TTYH1: variants seen among roughly 807,000 people sequenced by gnomAD.
The protein encoded by TTYH1 is tweety family member 1, also known as protein tweety homolog 1.
In TTYH1, 33 loss-of-function variants were observed where a neutral mutation model predicts 61.2. That is an observed-to-expected ratio of 0.54 (90% CI 0.41 to 0.72). The LOEUF is 0.72. Among genes scored for constraint, TTYH1 ranks in the 30% least tolerant of loss-of-function variants. The pLI, the probability that TTYH1 is intolerant of heterozygous loss-of-function variation, is 0.00. For synonymous variants in TTYH1, 308 were observed against 266.4 expected, an observed-to-expected ratio of 1.16 and a Z score of -1.52; for missense variants, 538 against 575.8, an observed-to-expected ratio of 0.93 and a Z score of 0.67.
At chr19:54,428,400 T>C (rs964033732) in intron 5 of TTYH1, among the ~76,000 whole-genome samples, 2 of 151,942 alleles carry the variant, frequency 1.3e-5, no homozygotes, top group Non-Finnish European at 2.9e-5. Context: ...AAGTTTTGTA[T>C]ATTTTTGTAG....
chr19:54,422,201 G>C lies in TTYH1; in HGVS notation c.429G>C (p.Thr143=), dbSNP rs973515647. 2 of 1,562,358 alleles carry C rather than the reference G, an allele frequency of 1.3e-6. No homozygotes were observed. Among genetic ancestry groups the C allele is most frequent in the Non-Finnish European group, 8.7e-7 (1 of 1,153,842 alleles). ...TGTCCTATCCCCAGGTGTTGGAGAC[G>C]GTGGAGAGGCTGGGCGAGGCGGTGA... is the stretch of plus-strand genomic sequence containing the variant. ...LSTIDHLVLE[T]VERLGEAVRT... is the part of the protein sequence containing the mutation. Residue 143 remains threonine (T), a synonymous_variant, in exon 4 of 14, where the codon ACG becomes ACC. Transcript: ENST00000376530.
intron 5 of TTYH1, among the ~76,000 whole-genome samples, chr19:54,427,885 G>A (rs1051132389): frequency 2.0e-5 from 3 of 152,062 alleles, no homozygotes; most frequent in Admixed American, 2.0e-4. Flanking sequence ...CCCCCTGTGA[G>A]GAAGGTGCTT....
Position 54,420,959 on chromosome 19 carries a change from TC to T in TTYH1, c.306-315del. ...GTCCTAGGGAGGGGAAGACGGCCCA[TC>T]CCGGAGCTGGGTGTGACTGGGGTTC... On this transcript the variant is annotated intron_variant, in intron 2 of 13. Transcript: ENST00000376530. This position sits in a 1 kb window ranked among gnomAD's most constrained non-coding sequence, Gnocchi z 4.8. The T allele has an allele frequency of 2.3e-6, 1 of 436,416 alleles. No homozygotes were observed. Among genetic ancestry groups the T allele is most frequent in the Non-Finnish European group, 4.4e-6 (1 of 225,532 alleles). The allele number at this position is 436,416 out of a possible 1,614,324, so 27.0% of individuals were successfully genotyped here. A position where few individuals can be genotyped will look rare whatever the true frequency, so the allele number is the denominator to read the frequency against.
chr19:54,416,459 C>A lies in TTYH1; in HGVS notation c.126+781C>A. The A allele has an allele frequency of 3.5e-6, 1 of 284,332 alleles. No individual in the cohort carries two copies. Among genetic ancestry groups the A allele is most frequent in the Non-Finnish European group, 6.9e-6 (1 of 144,398 alleles). 17.6% of individuals were successfully genotyped at this position (284,332 alleles called of 1,614,324 possible). ...CCCCTGACCCAGTTTAATTCAAGTC[C>A]TTGACTTCGAGATTAATGAGGAGAA... On this transcript the variant is annotated intron_variant, in intron 1 of 13. Transcript: ENST00000376530. This position sits in a 1 kb window ranked among gnomAD's most constrained non-coding sequence, Gnocchi z 7.0.
rs778752587 is a variant in TTYH1 at position 54,416,672 on chromosome 19, G to C, written c.126+994G>C. The C allele has an allele frequency of 1.9e-4, 208 of 1,101,296 alleles. No individual in the cohort carries two copies. Among genetic ancestry groups the C allele is most frequent in the Non-Finnish European group, 2.4e-4 (198 of 832,190 alleles). The allele number at this position is 1,101,296 out of a possible 1,614,324, so 68.2% of individuals were successfully genotyped here. The stretch of plus-strand genomic sequence containing the variant: ...TCCCAGAAAAGCGCGGAGGGGATGA[G>C]TGCTGTGTTCTGAGCTATTTGGGTC... On this transcript the variant is annotated intron_variant, in intron 1 of 13. Coordinates refer to ENST00000376530, the MANE Select transcript of TTYH1 (RefSeq NM_020659.4). This position sits in a 1 kb window ranked among gnomAD's most constrained non-coding sequence, Gnocchi z 7.0.
rs1035152155 is a variant in TTYH1 at position 54,435,537 on chromosome 19, C to T, written c.1126-5C>T. 1.1e-5 allele frequency: 18 copies of T among 1,593,602 alleles called. 1 individual carries two copies. The highest frequency in any genetic ancestry group is 1.5e-5 in the Non-Finnish European group (18 of 1,172,916). On this transcript the variant is annotated splice_region_variant and splice_polypyrimidine_tract_variant and intron_variant, in intron 10 of 13. Coordinates refer to ENST00000376530, the MANE Select transcript of TTYH1 (RefSeq NM_020659.4). Reference sequence around the variant, plus strand: ...ACGCATGGCCTGATGACGCCCTCCCCTCAGGACTATGGTGCAGCCCTGCGG... The same window carrying T: ...ACGCATGGCCTGATGACGCCCTCCCTTCAGGACTATGGTGCAGCCCTGCGG...
Position 54,421,539 on chromosome 19 carries a change from C to T in TTYH1, c.417+151C>T. On this transcript the variant is annotated intron_variant, in intron 3 of 13. Coordinates refer to ENST00000376530, the MANE Select transcript of TTYH1 (RefSeq NM_020659.4). This position sits in a 1 kb window ranked among gnomAD's most constrained non-coding sequence, Gnocchi z 4.8. Reference sequence around the variant, plus strand: ...ACTTCATCCTGAGACCCACAGACCTCAGACTATCCACCCAACCCCCGACCC... The same window carrying T: ...ACTTCATCCTGAGACCCACAGACCTTAGACTATCCACCCAACCCCCGACCC... The T allele has an allele frequency of 1.5e-6, 1 of 654,834 alleles. No individual in the cohort carries two copies. Among genetic ancestry groups the T allele is most frequent in the Non-Finnish European group, 2.8e-6 (1 of 361,400 alleles). 40.6% of individuals were successfully genotyped at this position (654,834 alleles called of 1,614,324 possible).
intron 5 of TTYH1, among the ~76,000 whole-genome samples, chr19:54,428,429 T>C (rs555043817): frequency 6.6e-6 from 1 of 152,164 alleles, no homozygotes. Context: ...TCTTGCTATG[T>C]TGCCCAGGCT....
Position 54,436,398 on chromosome 19 carries a change from T to A in TTYH1, c.*108T>A, listed in dbSNP as rs373712429. The A allele has an allele frequency of 1.9e-6, 3 of 1,613,318 alleles. No homozygotes were observed. In the South Asian group the frequency reaches 3.3e-5, roughly 18 times the overall value. On this transcript the variant is annotated 3_prime_UTR_variant, in exon 14 of 14. Transcript: ENST00000376530. The surrounding 1 kb of genome is among the most constrained non-coding windows in gnomAD (Gnocchi z 4.3). ...CTGCCTGGGCTCTGACCACTAACAC[T>A]CTTGGCCATGGACAGCCTGCACAGG...
At position 54,436,246 on chromosome 19, in the gene TTYH1, C is replaced by T; in HGVS notation, c.*42+75C>T. ...CTCCCGCCCTCCGAGCTGCTCCAGG[C>T]ATGGGCTGCGTGCCTCCTGCTGGGT... On this transcript the variant is annotated intron_variant, in intron 13 of 13. Transcript: ENST00000376530. This position sits in a 1 kb window ranked among gnomAD's most constrained non-coding sequence, Gnocchi z 4.3. The T allele has an allele frequency of 5.6e-6, 9 of 1,607,768 alleles. No homozygotes were observed. Among genetic ancestry groups the T allele is most frequent in the Non-Finnish European group, 7.7e-6 (9 of 1,174,886 alleles).
At position 54,416,655 on chromosome 19, in the gene TTYH1, A is replaced by T. The variant is rs1045059865; in HGVS notation, c.126+977A>T. 4 of 971,484 alleles carry T rather than the reference A, an allele frequency of 4.1e-6. No homozygotes were observed. The highest frequency in any genetic ancestry group is 5.5e-6 in the Non-Finnish European group (4 of 728,708). The allele number at this position is 971,484 out of a possible 1,614,324, so 60.2% of individuals were successfully genotyped here. A position where few individuals can be genotyped will look rare whatever the true frequency, so the allele number is the denominator to read the frequency against. On this transcript the variant is annotated intron_variant, in intron 1 of 13. Coordinates refer to ENST00000376530, the MANE Select transcript of TTYH1 (RefSeq NM_020659.4). This position sits in a 1 kb window ranked among gnomAD's most constrained non-coding sequence, Gnocchi z 7.0. ...AGGGGGCGTGGAGGGGGTCCCAGAA[A>T]AGCGCGGAGGGGATGAGTGCTGTGT...
chr19:54,423,507 G>T (rs779703222), intron 4 of TTYH1, among the ~76,000 whole-genome samples: 3 of 152,138 alleles, frequency 2.0e-5, no homozygotes, highest in Non-Finnish European at 4.4e-5. Context: ...AAGAGGCAGC[G>T]TACCTACAGA....
rs1000427212 is a variant in TTYH1, at chr19:54,416,157, G to C, written c.126+479G>C. Reference sequence around the variant, plus strand: ...CGCTGGCTGCTGCGGTGCTGGGATGGGATTGAGAGTCTGAAATGGGGAAGG... The same window carrying C: ...CGCTGGCTGCTGCGGTGCTGGGATGCGATTGAGAGTCTGAAATGGGGAAGG... On this transcript the variant is annotated intron_variant, in intron 1 of 13. Coordinates refer to ENST00000376530, the MANE Select transcript of TTYH1 (RefSeq NM_020659.4). This position sits in a 1 kb window ranked among gnomAD's most constrained non-coding sequence, Gnocchi z 7.0. 9.6e-7 allele frequency: 1 copy of C among 1,038,922 alleles called. No individual in the cohort carries two copies. Among genetic ancestry groups the C allele is most frequent in the Admixed American group, 2.4e-5 (1 of 42,514 alleles). 64.4% of individuals were successfully genotyped at this position (1,038,922 alleles called of 1,614,324 possible).
At position 54,415,501 on chromosome 19, in the gene TTYH1, G is replaced by A. The variant is rs2083056591; in HGVS notation, c.-52G>A. The A allele has an allele frequency of 4.8e-6, 6 of 1,246,784 alleles. No homozygotes were observed. The highest frequency in any genetic ancestry group is 4.3e-5 in the East Asian group (1 of 23,344). The allele number at this position is 1,246,784 out of a possible 1,614,324, so 77.2% of individuals were successfully genotyped here. On this transcript the variant is annotated 5_prime_UTR_variant, in exon 1 of 14. Coordinates refer to ENST00000376530, the MANE Select transcript of TTYH1 (RefSeq NM_020659.4). This position sits in a 1 kb window ranked among gnomAD's most constrained non-coding sequence, Gnocchi z 5.2. The stretch of plus-strand genomic sequence containing the variant: ...CGCCGCCCGCGCCCCGCTCGACTCC[G>A]GAGGCTCCCGCAGCCCCGGCGTCCG...
chr19:54,416,186 C>T lies in TTYH1; in HGVS notation c.126+508C>T, dbSNP rs1199642805. The T allele has an allele frequency of 5.7e-6, 4 of 705,334 alleles. No individual in the cohort carries two copies. The highest frequency in any genetic ancestry group is 4.4e-6 in the Non-Finnish European group (2 of 452,594). 43.7% of individuals were successfully genotyped at this position (705,334 alleles called of 1,614,324 possible). A position where few individuals can be genotyped will look rare whatever the true frequency, so the allele number is the denominator to read the frequency against. On this transcript the variant is annotated intron_variant, in intron 1 of 13. Coordinates refer to ENST00000376530, the MANE Select transcript of TTYH1 (RefSeq NM_020659.4). This position sits in a 1 kb window ranked among gnomAD's most constrained non-coding sequence, Gnocchi z 7.0. ...TGAGAGTCTGAAATGGGGAAGGGGGCTTCAGGGGCTGAGGACCAGGGCTGG... is the reference window on the plus strand; with the variant it reads ...TGAGAGTCTGAAATGGGGAAGGGGGTTTCAGGGGCTGAGGACCAGGGCTGG...
chr19:54,430,877 A>C lies in TTYH1; in HGVS notation c.1004A>C (p.Glu335Ala), dbSNP rs1265733234. 6.2e-7 allele frequency: 1 copy of C among 1,613,542 alleles called. No individual in the cohort carries two copies. The highest frequency in any genetic ancestry group is 8.5e-7 in the Non-Finnish European group (1 of 1,179,990). The part of the protein sequence containing the change: ...IHSQLLGLER[E>A]AVPQFPSAQK... ...TCCCAGCTGCTGGGCCTGGAGCGAG[A>C]AGCTGTGCCTCAGTTCCCTTCAGCG... Residue 335 changes from glutamate to alanine, a missense_variant, in exon 9 of 14, where the codon GAA (glutamate) becomes GCA (alanine). By Grantham distance (107) the Glu-to-Ala change is moderately radical. Coordinates refer to ENST00000376530, the MANE Select transcript of TTYH1 (RefSeq NM_020659.4).
chr19:54,419,018 C>T lies in TTYH1; in HGVS notation c.127-110C>T. The T allele has an allele frequency of 9.1e-7, 1 of 1,103,042 alleles. No individual in the cohort carries two copies. Among genetic ancestry groups the T allele is most frequent in the Admixed American group, 2.3e-5 (1 of 43,144 alleles). 68.3% of individuals were successfully genotyped at this position (1,103,042 alleles called of 1,614,324 possible). A position where few individuals can be genotyped will look rare whatever the true frequency, so the allele number is the denominator to read the frequency against. Reference sequence around the variant, plus strand: ...CCAAGATTAGGCCAGGGATGTCTCCCACCTTCACTCTGACATCCCAGACCC... The same window carrying T: ...CCAAGATTAGGCCAGGGATGTCTCCTACCTTCACTCTGACATCCCAGACCC... On this transcript the variant is annotated intron_variant, in intron 1 of 13. Coordinates refer to ENST00000376530, the MANE Select transcript of TTYH1 (RefSeq NM_020659.4). The surrounding 1 kb of genome is among the most constrained non-coding windows in gnomAD (Gnocchi z 6.1).
chr19:54,426,778 G>A lies in TTYH1; in HGVS notation c.734+10G>A. On this transcript the variant is annotated intron_variant, in intron 5 of 13. Coordinates refer to ENST00000376530, the MANE Select transcript of TTYH1 (RefSeq NM_020659.4). ...AGTGGCTGGTGATCGTGTAAGTGCA[G>A]GCAGTAGGGGGACCCAGTGCTTGCC... 1 of 1,611,534 alleles carries A rather than the reference G, an allele frequency of 6.2e-7. No individual in the cohort carries two copies. The highest frequency in any genetic ancestry group is 1.1e-5 in the South Asian group (1 of 91,060).
Position 54,419,346 on chromosome 19 carries a change from C to T in TTYH1, c.305+40C>T, listed in dbSNP as rs767174570. The T allele has an allele frequency of 1.6e-5, 25 of 1,561,546 alleles. No homozygotes were observed. In the South Asian group the frequency reaches 1.9e-4, roughly 12 times the overall value. On this transcript the variant is annotated intron_variant, in intron 2 of 13. Transcript: ENST00000376530. The surrounding 1 kb of genome is among the most constrained non-coding windows in gnomAD (Gnocchi z 6.1). ...GGGTGGGTGGGCGGTGGGGACAGGG[C>T]TCCCCAAGCTCTTTGCTGGCCTTCC... is the stretch of plus-strand genomic sequence containing the variant.
Sources: gnomAD v4.1 joint callset for allele counts (sites outside exome capture counted in the v4.1 genomes callset) on GRCh38, gnomAD v4.1.1 for gene constraint, Gnocchi (gnomAD v3.1) non-coding constraint, MANE v1.5 for transcripts, NCBI Gene and HGNC (gene_info 2026-07-23, HGNC 2026-07-21) for gene names.